AIG1: variants seen among roughly 807,000 people sequenced by gnomAD.
AIG1 encodes the protein androgen induced 1.
In AIG1, 23 loss-of-function variants were observed where a neutral mutation model predicts 31.4. That is an observed-to-expected ratio of 0.73 (90% CI 0.53 to 1.04). The LOEUF (loss-of-function observed/expected upper bound fraction) is 1.04, where lower values mean the gene tolerates loss of function less well. Among genes scored for constraint, AIG1 ranks in the 50% least tolerant of loss-of-function variants. The pLI is 0.00. For missense variants in AIG1, 274 were observed against 295.0 expected, an observed-to-expected ratio of 0.93 and a Z score of 0.52; for synonymous variants, 100 against 110.5, an observed-to-expected ratio of 0.90 and a Z score of 0.60.
intron 4 of AIG1, among the ~76,000 whole-genome samples, chr6:143,290,832 TG>T (rs977704264): frequency 2.6e-5 from 4 of 152,176 alleles, no homozygotes; most frequent in Admixed American, 1.3e-4. Flanking sequence ...TCTCACATTC[TG>T]AAGAGAGCTA....
In AIG1 at chr6:143,279,710, C is replaced by G. The variant is rs147841227; in HGVS notation, c.400-4400C>G. ...CCATCACGGGGGACCCACCAAGACC[C>G]CATTAAGAAAAGCACAAATGATGCA... On this transcript the variant is annotated intron_variant, in intron 3 of 5. Transcript: ENST00000357847. This position sits in a 1 kb window ranked among gnomAD's most constrained non-coding sequence, Gnocchi z 5.4. 6.6e-6 allele frequency among the ~76,000 whole-genome samples: 1 copy of G among 152,268 alleles called. No homozygotes were observed. The highest frequency in any genetic ancestry group is 1.9e-4 in the East Asian group (1 of 5,180).
Position 143,125,712 on chromosome 6 carries a change from C to T in AIG1, c.142-11123C>T, listed in dbSNP as rs534683194. Among the ~76,000 whole-genome samples the T allele has an allele frequency of 2.6e-5, 4 of 152,278 alleles. 1 individual carries two copies. The highest frequency in any genetic ancestry group is 9.6e-5 in the African/African-American group (4 of 41,562). On this transcript the variant is annotated intron_variant, in intron 1 of 5. Transcript: ENST00000357847. ...TACCCATTACTGTGTGAAGAATATCCAAATGCCTTCTTTAGACGGTTGTTG... is the reference window on the plus strand; with the variant it reads ...TACCCATTACTGTGTGAAGAATATCTAAATGCCTTCTTTAGACGGTTGTTG...
At chr6:143,341,369 T>C (rs545875985), downstream of AIG1, among the ~76,000 whole-genome samples, 5 of 152,222 alleles carry the variant, frequency 3.3e-5, no homozygotes, top group Admixed American at 6.5e-5. Context: ...ATGGGTTACA[T>C]TGTGGCACTG....
At chr6:143,209,981 G>A (rs1160737873) in intron 3 of AIG1, among the ~76,000 whole-genome samples, 1 of 152,160 alleles carries the variant, frequency 6.6e-6, no homozygotes, top group Admixed American at 6.5e-5. Flanking sequence ...ATACAGTTTG[G>A]CTGTGTCCCC....
At chr6:143,203,049 C>A (rs2128608323) in intron 3 of AIG1, among the ~76,000 whole-genome samples, 1 of 152,232 alleles carries the variant, frequency 6.6e-6, no homozygotes, top group Non-Finnish European at 1.5e-5. Flanking sequence ...AGGTAATGAA[C>A]CAGATACCTC....
At chr6:143,089,388 A>G (rs902738440) in intron 1 of AIG1, among the ~76,000 whole-genome samples, 2 of 152,098 alleles carry the variant, frequency 1.3e-5, no homozygotes, top group South Asian at 2.1e-4. Context: ...CCTCTTTTCC[A>G]TCTATGAGCT....
In AIG1 at chr6:143,334,035, T is replaced by C. The variant is rs2128724177; in HGVS notation, c.679+590T>C. 1.9e-6 allele frequency: 3 copies of C among 1,548,780 alleles called. No homozygotes were observed. Among genetic ancestry groups the C allele is most frequent in the South Asian group, 2.4e-5 (2 of 83,868 alleles). ...ATATTTCGTGGCTGGAAAAACTCTT[T>C]TAACCTGTGATTTGATTTCTCTTTT... On this transcript the variant is annotated intron_variant, in intron 5 of 5. Coordinates refer to ENST00000357847, the MANE Select transcript of AIG1 (RefSeq NM_016108.4). The surrounding 1 kb of genome is among the most constrained non-coding windows in gnomAD (Gnocchi z 5.1).
At chr6:143,072,833 G>A (rs1332966799) in intron 1 of AIG1, among the ~76,000 whole-genome samples, 2 of 152,172 alleles carry the variant, frequency 1.3e-5, no homozygotes, top group African/African-American at 4.8e-5. Flanking sequence ...AGGCAAATTA[G>A]CATATCCATT....
chr6:143,112,660 G>A (rs1268714497), intron 1 of AIG1, among the ~76,000 whole-genome samples: 1 of 152,208 alleles, frequency 6.6e-6, no homozygotes, highest in Non-Finnish European at 1.5e-5. Flanking sequence ...TTCTGGGTCT[G>A]AGTGAGTTCT....
rs116445896 is a variant in AIG1 at position 143,209,107 on chromosome 6, G to A, written c.399+43924G>A. Among the ~76,000 whole-genome samples, 242 of 152,312 alleles carry A rather than the reference G, an allele frequency of 1.6e-3. 3 individuals are homozygous for A. Among genetic ancestry groups the A allele is most frequent in the African/African-American group, 5.7e-3 (237 of 41,564 alleles). ...TAGTTAACCTAGAAGGTTGGCTGAA[G>A]CCACCTCACCCCTGCAGTTCCTGCA... On this transcript the variant is annotated intron_variant, in intron 3 of 5. Transcript: ENST00000357847.
chr6:143,335,247 A>C (rs1777387280), intron 5 of AIG1: 2 of 870,246 alleles, frequency 2.3e-6, no homozygotes, highest in African/African-American at 1.8e-5. Context: ...AAATTGGGTG[A>C]TTTTGGCTGG....
intron 4 of AIG1, among the ~76,000 whole-genome samples, chr6:143,304,123 G>C (rs1400377917): frequency 6.6e-6 from 1 of 151,674 alleles, no homozygotes; most frequent in East Asian, 2.0e-4. Context: ...AGGAGATTTT[G>C]GGCTGAGACA....
At chr6:143,242,777 A>G (rs1481384220) in intron 3 of AIG1, among the ~76,000 whole-genome samples, 2 of 152,232 alleles carry the variant, frequency 1.3e-5, no homozygotes, top group Non-Finnish European at 2.9e-5. Context: ...CTTAGCACCC[A>G]TTAGCCTGAC....
intron 3 of AIG1, among the ~76,000 whole-genome samples, chr6:143,169,836 A>G (rs1224318086): frequency 3.3e-5 from 5 of 152,122 alleles, no homozygotes; most frequent in Non-Finnish European, 7.4e-5. Flanking sequence ...TTTATCAAAT[A>G]CTTTTTCTGT....
intron 3 of AIG1, among the ~76,000 whole-genome samples, chr6:143,173,068 T>G (rs1787793403): frequency 6.6e-6 from 1 of 152,054 alleles, no homozygotes; most frequent in Admixed American, 6.6e-5. Flanking sequence ...TTCATTTAGT[T>G]TTTTTTTGAC....
At chr6:143,216,910 T>C (rs1486067337) in intron 3 of AIG1, among the ~76,000 whole-genome samples, 1 of 152,200 alleles carries the variant, frequency 6.6e-6, no homozygotes, top group African/African-American at 2.4e-5. Flanking sequence ...AAATAATCTC[T>C]AATCTGGTTC....
intron 3 of AIG1, among the ~76,000 whole-genome samples, chr6:143,273,224 C>T (rs1583694242): frequency 6.6e-6 from 1 of 152,158 alleles, no homozygotes; most frequent in East Asian, 1.9e-4. Flanking sequence ...ATGCTGATAT[C>T]TACGAATAAG....
intron 1 of AIG1, among the ~76,000 whole-genome samples, chr6:143,092,864 A>G (rs939166800): frequency 6.6e-6 from 1 of 152,102 alleles, no homozygotes; most frequent in African/African-American, 2.4e-5. Context: ...AGCCTGGGCA[A>G]CATAGCATGA....
downstream of AIG1, among the ~76,000 whole-genome samples, chr6:143,343,691 GTGTA>G (rs1777902092): frequency 1.3e-5 from 2 of 152,130 alleles, no homozygotes; most frequent in South Asian, 4.1e-4. Flanking sequence ...TTGTGTGTTT[GTGTA>G]TGTGTGTGTG....
Sources: gnomAD v4.1 joint callset for allele counts (sites outside exome capture counted in the v4.1 genomes callset) on GRCh38, gnomAD v4.1.1 for gene constraint, Gnocchi (gnomAD v3.1) non-coding constraint, MANE v1.5 for transcripts, NCBI Gene and HGNC (gene_info 2026-07-23, HGNC 2026-07-21) for gene names.